The following CORO2B variants were observed in gnomAD, a reference collection of about 807,000 sequenced individuals.
CORO2B encodes the protein coronin-2B.
Under a neutral mutation model 58.8 loss-of-function variants are expected in CORO2B, and 26 were observed. The observed-to-expected ratio is 0.44, with a 90% confidence interval of 0.32 to 0.61. CORO2B has a LOEUF of 0.61. CORO2B is among the 20% of genes least tolerant of loss of function. The probability of loss-of-function intolerance (pLI) is 0.04; values close to 1 mark genes in which losing one functional copy is unlikely to be tolerated. For synonymous variants in CORO2B, 242 were observed against 253.8 expected (o/e 0.95, Z 0.44); for missense variants, 460 against 645.1 (o/e 0.71, Z 3.11).
chr15:68,545,749 G>C, the CORO2B span, among the ~76,000 whole-genome samples: 395 of 152,298 alleles, frequency 2.6e-3, no homozygotes, highest in South Asian at 7.0e-3. Flanking sequence ...AATGCTGTAG[G>C]GGGAAGAGCT....
intron 1 of CORO2B, among the ~76,000 whole-genome samples, chr15:68,636,196 G>A (rs1174546492): frequency 6.6e-6 from 1 of 152,218 alleles, no homozygotes; most frequent in Non-Finnish European, 1.5e-5. Context: ...TTAGTGTGAT[G>A]AGCCAGGAGC....
the CORO2B span, among the ~76,000 whole-genome samples, chr15:68,526,999 C>T: frequency 6.6e-6 from 1 of 152,114 alleles, no homozygotes; most frequent in East Asian, 1.9e-4. Context: ...GAGGAAGAGA[C>T]ACCAGAGAGG....
rs367808997 is a variant in CORO2B, at chr15:68,651,389, ATGT to A, written c.216+6034_216+6036del. Among the ~76,000 whole-genome samples the A allele has an allele frequency of 5.6e-4, 86 of 152,278 alleles. No individual in the cohort carries two copies. The South Asian group carries it at 8.7e-3, about 15-fold the overall frequency. ...CTTCGTTGATCTGGCAGCGGTGGAGATGTTGTTCCACACTAGCCGATTTTCTAG... is the reference window on the plus strand; with the variant it reads ...CTTCGTTGATCTGGCAGCGGTGGAGATGTTCCACACTAGCCGATTTTCTAG... On this transcript the variant is annotated intron_variant, in intron 2 of 11. Coordinates refer to ENST00000261861, the MANE Select transcript of CORO2B (RefSeq NM_006091.5).
intron 2 of CORO2B, among the ~76,000 whole-genome samples, chr15:68,653,964 T>C (rs1192786640): frequency 6.6e-6 from 1 of 152,182 alleles, no homozygotes; most frequent in Non-Finnish European, 1.5e-5. Context: ...TTCAGATCTT[T>C]CCTCAATCGT....
intron 6 of CORO2B, 50 bp from the exon 7 acceptor site, chr15:68,714,509 G>A (rs1279457620): frequency 6.3e-6 from 9 of 1,423,398 alleles, no homozygotes; most frequent in Non-Finnish European, 8.9e-6. Context: ...TTTGGGGAGG[G>A]GTATGCCATC....
At chr15:68,578,082 A>G (rs1298370589), upstream of CORO2B, among the ~76,000 whole-genome samples, 1 of 151,540 alleles carries the variant, frequency 6.6e-6, no homozygotes, top group African/African-American at 2.4e-5. This position sits in a 1 kb window ranked among gnomAD's most constrained non-coding sequence, Gnocchi z 4.2. Context: ...TGGGAGGGAG[A>G]CTCCTTTCTC....
intron 1 of CORO2B, among the ~76,000 whole-genome samples, chr15:68,589,729 T>A (rs1022710208): frequency 6.6e-6 from 1 of 152,166 alleles, no homozygotes; most frequent in South Asian, 2.1e-4. Context: ...TGGGAGAAAG[T>A]TCCAGAAAGG....
At chr15:68,632,619 C>A (rs1900876003) in intron 1 of CORO2B, among the ~76,000 whole-genome samples, 3 of 152,174 alleles carry the variant, frequency 2.0e-5, no homozygotes, top group Non-Finnish European at 4.4e-5. Context: ...GAGACAGAGT[C>A]TTGCTCTGTC....
At chr15:68,532,816 A>C in the CORO2B span, among the ~76,000 whole-genome samples, 1 of 152,220 alleles carries the variant, frequency 6.6e-6, no homozygotes, top group Non-Finnish European at 1.5e-5. Context: ...TCTTGTTTAA[A>C]TCTTTATTAG....
intron 2 of CORO2B, among the ~76,000 whole-genome samples, chr15:68,646,414 T>G (rs902883044): frequency 3.3e-5 from 5 of 152,154 alleles, no homozygotes; most frequent in Admixed American, 1.3e-4. Context: ...AAGGAAGCCT[T>G]GGTTCTCAAA....
At chr15:68,551,512 G>T in the CORO2B span, among the ~76,000 whole-genome samples, 1 of 152,272 alleles carries the variant, frequency 6.6e-6, no homozygotes, top group East Asian at 1.9e-4. Flanking sequence ...TTCCTGAGGA[G>T]TGAATCTCCT....
chr15:68,671,178 C>T lies in CORO2B; in HGVS notation c.217-23962C>T, dbSNP rs989462456. Among the ~76,000 whole-genome samples the T allele has an allele frequency of 2.0e-5, 3 of 152,178 alleles. No homozygotes were observed. In the South Asian group the frequency reaches 6.2e-4, roughly 31 times the overall value. On this transcript the variant is annotated intron_variant, in intron 2 of 11. Transcript: ENST00000261861. Reference sequence around the variant, plus strand: ...GAAAAGGAACCACAACCACTCTCTCCAGCTGGGCATAAAATGGAGCTGATA... The same window carrying T: ...GAAAAGGAACCACAACCACTCTCTCTAGCTGGGCATAAAATGGAGCTGATA...
chr15:68,712,674 C>T (rs764370358), intron 5 of CORO2B, among the ~76,000 whole-genome samples: 5 of 152,130 alleles, frequency 3.3e-5, no homozygotes, highest in East Asian at 1.9e-4. Flanking sequence ...CTGCTAAGAG[C>T]TCACTGTGTG....
rs1443768521 is a variant in CORO2B, at chr15:68,579,108, C to A, written c.-155C>A. 1.0e-6 allele frequency: 1 copy of A among 982,456 alleles called. No homozygotes were observed. Among genetic ancestry groups the A allele is most frequent in the African/African-American group, 1.8e-5 (1 of 56,884 alleles). 60.9% of individuals were successfully genotyped at this position (982,456 alleles called of 1,614,324 possible). A position where few individuals can be genotyped will look rare whatever the true frequency, so the allele number is the denominator to read the frequency against. Reference sequence around the variant, plus strand: ...CCGACGAGCGGTCCCTGCGCGCTGCCCGCCCGGAGCGCAGCCCCCAGGCTC... The same window carrying A: ...CCGACGAGCGGTCCCTGCGCGCTGCACGCCCGGAGCGCAGCCCCCAGGCTC... On this transcript the variant is annotated 5_prime_UTR_variant, in exon 1 of 12. Transcript: ENST00000261861.
At chr15:68,555,475 C>T in the CORO2B span, among the ~76,000 whole-genome samples, 120 of 152,302 alleles carry the variant, frequency 7.9e-4, 1 homozygote, top group African/African-American at 2.7e-3. Context: ...TTACCCACCC[C>T]GAGGCTGGGG....
intron 2 of CORO2B, among the ~76,000 whole-genome samples, chr15:68,693,496 G>A (rs1892435500): frequency 6.6e-6 from 1 of 152,184 alleles, no homozygotes; most frequent in Non-Finnish European, 1.5e-5. Context: ...GGCCGTAACT[G>A]GAGAAACTTC....
the CORO2B span, among the ~76,000 whole-genome samples, chr15:68,568,110 CT>C: frequency 4.1e-4 from 63 of 152,292 alleles, no homozygotes; most frequent in African/African-American, 1.4e-3. Context: ...GGGCCACCCC[CT>C]GGGGTTCCTT....
At chr15:68,614,221 A>G (rs533519119) in intron 1 of CORO2B, among the ~76,000 whole-genome samples, 7 of 152,334 alleles carry the variant, frequency 4.6e-5, no homozygotes, top group African/African-American at 1.7e-4. Context: ...CAAATCATCC[A>G]GATCTTTATT....
chr15:68,651,404 A>G (rs533224737), intron 2 of CORO2B, among the ~76,000 whole-genome samples: 10 of 152,288 alleles, frequency 6.6e-5, no homozygotes, highest in Admixed American at 1.3e-4. Flanking sequence ...GTTCCACACT[A>G]GCCGATTTTC....
Sources: allele counts gnomAD v4.1 joint callset (sites outside exome capture counted in the v4.1 genomes callset), GRCh38; gene constraint gnomAD v4.1.1; non-coding constraint Gnocchi (gnomAD v3.1); transcripts MANE v1.5; gene names NCBI Gene and HGNC (gene_info 2026-07-23, HGNC 2026-07-21).